Variants in ANGPTL1 observed in about 807,000 individuals in gnomAD.
ANGPTL1 encodes angiopoietin-related protein 1.
Under a neutral mutation model 46.7 loss-of-function variants are expected in ANGPTL1, and 36 were observed. The observed-to-expected ratio is 0.77, with a 90% confidence interval of 0.59 to 1.02. The LOEUF (loss-of-function observed/expected upper bound fraction) is 1.02. ANGPTL1 is among the 50% of genes least tolerant of loss of function. The pLI is 0.00. For missense variants in ANGPTL1, 571 were observed against 594.7 expected, an observed-to-expected ratio of 0.96 and a Z score of 0.41; for synonymous variants, 221 against 204.3, an observed-to-expected ratio of 1.08 and a Z score of -0.69.
intron 3 of ANGPTL1, among the ~76,000 whole-genome samples, chr1:178,858,881 T>A (rs1031380821): frequency 5.3e-5 from 8 of 152,206 alleles, no homozygotes; most frequent in Non-Finnish European, 1.0e-4. Context: ...AATTACAGAT[T>A]ACAAAGAGAA....
chr1:178,855,898 T>C (rs1445645200), intron 3 of ANGPTL1, among the ~76,000 whole-genome samples: 1 of 150,538 alleles, frequency 6.6e-6, no homozygotes, highest in Non-Finnish European at 1.5e-5. Context: ...AGGGTTTTTC[T>C]TTTTGTTGTT....
At chr1:178,856,202 G>GAGATATATATATATATATATATAT (rs1428022812) in intron 3 of ANGPTL1, among the ~76,000 whole-genome samples, 8 of 83,898 alleles carry the variant, frequency 9.5e-5, no homozygotes, top group African/African-American at 5.1e-4. Flanking sequence ...GAGAGAGAGA[G>GAGATATATATATATATATATATAT]ATATATATAT....
rs1657066379 is a variant in ANGPTL1, at chr1:178,849,945, C to T, written c.*1184G>A. 6.6e-6 allele frequency: 1 copy of T among 152,360 alleles called. No homozygotes were observed. Among genetic ancestry groups the T allele is most frequent in the Non-Finnish European group, 1.5e-5 (1 of 68,038 alleles). The allele number at this position is 152,360 out of a possible 1,614,324, so 9.4% of individuals were successfully genotyped here. ...TCACAAATATATTAAGGCAAGGTCACCTCTAAGCAGTGAATATGTATTCCT... is the reference window on the plus strand; with the variant it reads ...TCACAAATATATTAAGGCAAGGTCATCTCTAAGCAGTGAATATGTATTCCT... On this transcript the variant is annotated 3_prime_UTR_variant, in exon 6 of 6. Coordinates refer to ENST00000234816, the MANE Select transcript of ANGPTL1 (RefSeq NM_004673.4).
chr1:178,854,557 A>G (rs1488925043), intron 3 of ANGPTL1, among the ~76,000 whole-genome samples: 2 of 152,152 alleles, frequency 1.3e-5, no homozygotes, highest in Non-Finnish European at 2.9e-5. Flanking sequence ...AGCATAAATG[A>G]GTATCTAAAG....
chr1:178,865,113 G>T lies in ANGPTL1; in HGVS notation c.664C>A (p.His222Asn). 6.3e-7 allele frequency: 1 copy of T among 1,578,856 alleles called. No homozygotes were observed. The highest frequency in any genetic ancestry group is 8.6e-7 in the Non-Finnish European group (1 of 1,160,582). Residue 222 changes from histidine to asparagine, a missense_variant, in exon 3 of 6, where the codon CAT becomes AAT. Transcript: ENST00000234816. ...GTATACTGTTGGCTGTTAGGAATATGTTGTGGCACCACCTGGACAAGTGGG... is the reference window on the plus strand; with the variant it reads ...GTATACTGTTGGCTGTTAGGAATATTTTGTGGCACCACCTGGACAAGTGGG... ...SPPLVQVVPQ[H>N]IPNSQQYTPG... is the part of the protein sequence containing the mutation.
At chr1:178,858,771 TAAAAA>T (rs1245344849) in intron 3 of ANGPTL1, among the ~76,000 whole-genome samples, 2 of 152,068 alleles carry the variant, frequency 1.3e-5, no homozygotes, top group Non-Finnish European at 2.9e-5. Context: ...AACAGTGAGT[TAAAAA>T]AGAAAAAAGG....
At chr1:178,855,823 T>C (rs1361053211) in intron 3 of ANGPTL1, among the ~76,000 whole-genome samples, 2 of 151,616 alleles carry the variant, frequency 1.3e-5, no homozygotes, top group African/African-American at 4.8e-5. Flanking sequence ...TCTTTTTTAA[T>C]TTCTTTTCTA....
chr1:178,852,783 T>C lies in ANGPTL1; in HGVS notation c.1188A>G (p.Arg396=). Reference sequence around the variant, plus strand: ...TTCCCTGGTAAGTTCCCAGGCGCAGTCTATAGAATTCACTTTCAGGTTCCA... The same window carrying C: ...TTCCCTGGTAAGTTCCCAGGCGCAGCCTATAGAATTCACTTTCAGGTTCCA... ...FRLEPESEFY[R]LRLGTYQGNA... The change falls in exon 5 of 6, where the codon AGA becomes AGG. Residue 396 remains arginine, a synonymous_variant. Coordinates refer to ENST00000234816, the MANE Select transcript of ANGPTL1 (RefSeq NM_004673.4). 6.2e-7 allele frequency: 1 copy of C among 1,613,954 alleles called. No homozygotes were observed. The highest frequency in any genetic ancestry group is 8.5e-7 in the Non-Finnish European group (1 of 1,179,876).
intron 2 of ANGPTL1, among the ~76,000 whole-genome samples, chr1:178,868,530 C>T (rs1391604548): frequency 1.3e-5 from 2 of 151,830 alleles, no homozygotes; most frequent in Non-Finnish European, 2.9e-5. Flanking sequence ...GAGCAATATT[C>T]TGATTGAACA....
At chr1:178,862,539 G>A (rs1658098353) in intron 3 of ANGPTL1, among the ~76,000 whole-genome samples, 2 of 152,100 alleles carry the variant, frequency 1.3e-5, no homozygotes, top group African/African-American at 2.4e-5. Context: ...GGAGAGGAAC[G>A]ATCACTTCAA....
chr1:178,871,049 CTGCAGCTGACCCAGATTG>C lies in ANGPTL1; in HGVS notation c.-463_-446del, dbSNP rs1429268106. The C allele has an allele frequency of 2.0e-5, 3 of 152,176 alleles. No homozygotes were observed. The highest frequency in any genetic ancestry group is 2.0e-4 in the Admixed American group (3 of 15,250). 9.4% of individuals were successfully genotyped at this position (152,176 alleles called of 1,614,324 possible). A position where few individuals can be genotyped will look rare whatever the true frequency, so the allele number is the denominator to read the frequency against. On this transcript the variant is annotated 5_prime_UTR_variant, in exon 1 of 6. Transcript: ENST00000234816. ...CCACATGGAGAAATGCAGTAACCAG[CTGCAGCTGACCCAGATTG>C]TATATACAGTACCCCTGAATAGTGA...
intron 3 of ANGPTL1, among the ~76,000 whole-genome samples, chr1:178,857,047 G>A (rs764230942): frequency 1.4e-4 from 22 of 152,068 alleles, no homozygotes; most frequent in Non-Finnish European, 8.8e-5. Context: ...AACATGCATT[G>A]TAGTCAAGTA....
intron 3 of ANGPTL1, among the ~76,000 whole-genome samples, chr1:178,855,977 G>C (rs1657511524): frequency 6.8e-6 from 1 of 147,992 alleles, no homozygotes; most frequent in African/African-American, 2.5e-5. Context: ...GAACAAAAAA[G>C]TAATATATAT....
At chr1:178,862,601 A>T (rs1012484114) in intron 3 of ANGPTL1, among the ~76,000 whole-genome samples, 150 of 136,510 alleles carry the variant, frequency 1.1e-3, no homozygotes, top group Non-Finnish European at 2.0e-3. Context: ...TTTTTTATTT[A>T]TTTATTTATT....
chr1:178,867,801 C>A (rs998009903), intron 2 of ANGPTL1, among the ~76,000 whole-genome samples: 1 of 151,948 alleles, frequency 6.6e-6, no homozygotes, highest in African/African-American at 2.4e-5. Context: ...TATATCTAAC[C>A]TATGATTATG....
chr1:178,853,946 C>T (rs1476474416), intron 3 of ANGPTL1, among the ~76,000 whole-genome samples, 159 bp from the exon 4 acceptor site: 2 of 151,920 alleles, frequency 1.3e-5, no homozygotes, highest in Non-Finnish European at 2.9e-5. Context: ...AAGGGTGACT[C>T]CAGTTCTATC....
At chr1:178,861,871 T>C (rs1007247664) in intron 3 of ANGPTL1, among the ~76,000 whole-genome samples, 1 of 152,156 alleles carries the variant, frequency 6.6e-6, no homozygotes, top group Non-Finnish European at 1.5e-5. Context: ...GTTTGTTTGT[T>C]GTTGTTGTAG....
At chr1:178,870,707 CATA>C (rs1414724022) in intron 1 of ANGPTL1, 31 bp downstream of exon 1, 2 of 152,110 alleles carry the variant, frequency 1.3e-5, no homozygotes, top group African/African-American at 4.8e-5. Flanking sequence ...ATTTGCTATA[CATA>C]ATATTTTTAA....
In ANGPTL1 at chr1:178,851,193, G is replaced by A. The variant is rs1358400319; in HGVS notation, c.1412C>T (p.Ala471Val). ...RSKHQDGIFW[A>V]EYRGGSYSLR... Reference sequence around the variant, plus strand: ...GGAGTATGACCCGCCTCTGTATTCGGCCCAGAAAATTCCATCTTGGTGCTT... The same window carrying A: ...GGAGTATGACCCGCCTCTGTATTCGACCCAGAAAATTCCATCTTGGTGCTT... The change falls in exon 6 of 6, where the codon GCC becomes GTC. Residue 471 changes from alanine (A) to valine (V), a missense_variant. Ala to Val is a moderately conservative substitution (Grantham distance 64). Transcript: ENST00000234816. The A allele has an allele frequency of 6.2e-7, 1 of 1,613,906 alleles. No homozygotes were observed. The highest frequency in any genetic ancestry group is 1.7e-5 in the Admixed American group (1 of 59,972).
Sources: allele counts gnomAD v4.1 joint callset (sites outside exome capture counted in the v4.1 genomes callset), GRCh38; gene constraint gnomAD v4.1.1; transcripts MANE v1.5; gene names NCBI Gene and HGNC (gene_info 2026-07-23, HGNC 2026-07-21).